The following CLEC2D variants were observed in gnomAD, a reference collection of about 807,000 sequenced individuals.
CLEC2D encodes the protein C-type lectin related f.
A neutral mutation model predicts 20.0 loss-of-function variants in CLEC2D; 16 were observed. The observed-to-expected ratio is 0.80, with a 90% CI of 0.54 to 1.22. The LOEUF is 1.22. Among genes scored for constraint, CLEC2D ranks in the 50% most tolerant of loss-of-function variants. The pLI, the probability that CLEC2D is intolerant of heterozygous loss-of-function variation, is 0.00. For synonymous variants in CLEC2D, 77 were observed against 71.1 expected (o/e 1.08, Z -0.42); for missense variants, 207 against 221.5 (o/e 0.93, Z 0.42).
chr12:9,677,613 A>G (rs1460920717), intron 1 of CLEC2D, among the ~76,000 whole-genome samples: 2 of 150,910 alleles, frequency 1.3e-5, no homozygotes, highest in African/African-American at 2.4e-5. Context: ...AGTAGTCTAT[A>G]GATGTCAATT....
chr12:9,683,886 G>T (rs1157585393), intron 2 of CLEC2D, among the ~76,000 whole-genome samples: 2 of 147,458 alleles, frequency 1.4e-5, no homozygotes, highest in East Asian at 2.0e-4. Flanking sequence ...GAAATTTAAA[G>T]TTTTTTTTTT....
chr12:9,675,065 GTCTTT>G (rs1865494617), intron 1 of CLEC2D, among the ~76,000 whole-genome samples: 1 of 151,974 alleles, frequency 6.6e-6, no homozygotes. Context: ...TGAAAAGACT[GTCTTT>G]TCTTAATTGT....
At chr12:9,688,368 G>A (rs17806710) in intron 3 of CLEC2D, among the ~76,000 whole-genome samples, 42,534 of 152,062 alleles carry the variant, frequency 0.28, 6,578 homozygotes, top group South Asian at 0.44. Flanking sequence ...GATTAGAAAA[G>A]TATTGGTAGA....
At chr12:9,691,722 A>G (rs1445193507) in intron 3 of CLEC2D, among the ~76,000 whole-genome samples, 1 of 152,200 alleles carries the variant, frequency 6.6e-6, no homozygotes, top group East Asian at 1.9e-4. Context: ...GTAAAAATAC[A>G]AATAGCACGT....
chr12:9,680,073 G>T (rs1053213956), intron 1 of CLEC2D: 1 of 155,746 alleles, frequency 6.4e-6, no homozygotes, highest in African/African-American at 2.4e-5. Flanking sequence ...TCATGGGAGG[G>T]ACCCAGTGGG....
chr12:9,691,805 G>T (rs190096877), intron 3 of CLEC2D, among the ~76,000 whole-genome samples: 1 of 152,154 alleles, frequency 6.6e-6, no homozygotes, highest in East Asian at 1.9e-4. Flanking sequence ...AAAGAAGAAA[G>T]ATCTCAAATC....
Position 9,699,310 on chromosome 12 carries a change from A to T in CLEC2D, c.*4436A>T, listed in dbSNP as rs7954062. The T allele has an allele frequency of 2.0e-5, 3 of 152,134 alleles. No homozygotes were observed. The highest frequency in any genetic ancestry group is 3.8e-4 in the East Asian group (2 of 5,196). The allele number at this position is 152,134 out of a possible 1,614,324, so 9.4% of individuals were successfully genotyped here. A position where few individuals can be genotyped will look rare whatever the true frequency, so the allele number is the denominator to read the frequency against. ...CTGTCAATTGTGGCAAGTTATCAGC[A>T]TATTTTTTAACTTTTAATTATTCTT... On this transcript the variant is annotated 3_prime_UTR_variant, in exon 5 of 5. Transcript: ENST00000290855.
Position 9,695,842 on chromosome 12 carries a change from C to A in CLEC2D, c.*968C>A. 2 of 877,570 alleles carry A rather than the reference C, an allele frequency of 2.3e-6. No homozygotes were observed. Among genetic ancestry groups the A allele is most frequent in the Non-Finnish European group, 1.8e-6 (1 of 551,914 alleles). 54.4% of individuals were successfully genotyped at this position (877,570 alleles called of 1,614,324 possible). A position where few individuals can be genotyped will look rare whatever the true frequency, so the allele number is the denominator to read the frequency against. ...TGGAGGTGGGCAGAAAAAAGTAAAA[C>A]TTGCTGCTGCTGCTGATGATGATGA... On this transcript the variant is annotated 3_prime_UTR_variant, in exon 5 of 5. Transcript: ENST00000290855.
At position 9,695,073 on chromosome 12, in the gene CLEC2D, C is replaced by G; in HGVS notation, c.*199C>G. The G allele has an allele frequency of 1.7e-6, 1 of 581,010 alleles. No individual in the cohort carries two copies. Among genetic ancestry groups the G allele is most frequent in the Admixed American group, 3.0e-5 (1 of 33,406 alleles). 36.0% of individuals were successfully genotyped at this position (581,010 alleles called of 1,614,324 possible). The stretch of plus-strand genomic sequence containing the variant: ...ATGGTGCTAATATTACCTGTTCTCC[C>G]ACTGCTAATGACATACCCGAGACTG... On this transcript the variant is annotated 3_prime_UTR_variant, in exon 5 of 5. Transcript: ENST00000290855.
chr12:9,693,751 T>C (rs1260908245), intron 4 of CLEC2D: 2 of 417,036 alleles, frequency 4.8e-6, no homozygotes, highest in Non-Finnish European at 9.4e-6. Context: ...TTATTTCTTA[T>C]TTTACAATAC....
At chr12:9,683,331 GTTTGTTTT>G (rs1565467296) in intron 2 of CLEC2D, among the ~76,000 whole-genome samples, 2 of 11,990 alleles carry the variant, frequency 1.7e-4, no homozygotes, top group Non-Finnish European at 2.3e-4. Context: ...TGTTTTTTGT[GTTTGTTTT>G]TTTTTTTTTT....
chr12:9,676,441 A>G (rs903762648), intron 1 of CLEC2D, among the ~76,000 whole-genome samples: 15 of 151,956 alleles, frequency 9.9e-5, no homozygotes, highest in African/African-American at 3.6e-4. Context: ...TAATCAAGTG[A>G]TTTTTTTTAG....
At chr12:9,692,283 A>G (rs1865885256) in intron 3 of CLEC2D, among the ~76,000 whole-genome samples, 1 of 151,890 alleles carries the variant, frequency 6.6e-6, no homozygotes, top group South Asian at 2.1e-4. Flanking sequence ...TTACAGGTGC[A>G]TGCCATCACG....
At chr12:9,688,617 G>T (rs944130978) in intron 3 of CLEC2D, among the ~76,000 whole-genome samples, 1 of 152,188 alleles carries the variant, frequency 6.6e-6, no homozygotes, top group Admixed American at 6.5e-5. Flanking sequence ...TACTCAGGAG[G>T]CTGAGGCAGC....
chr12:9,686,265 G>A (rs187456291), intron 2 of CLEC2D, among the ~76,000 whole-genome samples: 8 of 151,940 alleles, frequency 5.3e-5, no homozygotes, highest in Admixed American at 3.3e-4. Context: ...GGTCTCACTG[G>A]GAACTGCAGA....
chr12:9,672,985 G>A (rs1213910433), intron 1 of CLEC2D, among the ~76,000 whole-genome samples: 1 of 151,972 alleles, frequency 6.6e-6, no homozygotes, highest in Non-Finnish European at 1.5e-5. Context: ...ATGCTTCTTA[G>A]CTTCTTTGCA....
At chr12:9,691,332 C>T (rs1865857810) in intron 3 of CLEC2D, among the ~76,000 whole-genome samples, 1 of 151,984 alleles carries the variant, frequency 6.6e-6, no homozygotes, top group South Asian at 2.1e-4. Context: ...ATGAAATATT[C>T]CACTTTCAAC....
At chr12:9,670,871 G>A (rs1230509602) in intron 1 of CLEC2D, among the ~76,000 whole-genome samples, 2 of 152,290 alleles carry the variant, frequency 1.3e-5, no homozygotes, top group African/African-American at 2.4e-5. Flanking sequence ...CTACTCATTA[G>A]TTCAGGTCTT....
chr12:9,681,178 C>T, intron 2 of CLEC2D, 145 bp downstream of exon 2: 1 of 519,208 alleles, frequency 1.9e-6, no homozygotes, highest in Middle Eastern at 5.1e-4. Context: ...TTTTAAGTGG[C>T]ACCAAAAATT....
Sources: allele counts gnomAD v4.1 joint callset (sites outside exome capture counted in the v4.1 genomes callset), GRCh38; gene constraint gnomAD v4.1.1; transcripts MANE v1.5; gene names NCBI Gene and HGNC (gene_info 2026-07-23, HGNC 2026-07-21).